FGF14: variants seen among roughly 807,000 people sequenced by gnomAD.
The protein encoded by FGF14 is fibroblast growth factor 14, also known as fibroblast growth factor homologous factor 4.
A neutral mutation model predicts 25.5 loss-of-function variants in FGF14; 5 were observed. That is an observed-to-expected ratio of 0.20 (90% CI 0.10 to 0.41). The LOEUF (loss-of-function observed/expected upper bound fraction) is 0.41, where lower values mean the gene tolerates loss of function less well. Ranked by LOEUF, FGF14 falls within the 10% of genes least tolerant of loss-of-function variation. The pLI is 1.00. For missense variants in FGF14, 222 were observed against 320.1 expected (o/e 0.69, Z 2.34); for synonymous variants, 138 against 118.3 (o/e 1.17, Z -1.08).
chr13:102,170,525 A>T (rs1420625194), intron 1 of FGF14, among the ~76,000 whole-genome samples: 1 of 152,126 alleles, frequency 6.6e-6, no homozygotes, highest in African/African-American at 2.4e-5. Flanking sequence ...TGCATCTCCC[A>T]TCACAGAAGC....
intron 1 of FGF14, among the ~76,000 whole-genome samples, chr13:102,124,731 T>G (rs979840595): frequency 8.5e-5 from 13 of 152,092 alleles, no homozygotes; most frequent in African/African-American, 3.1e-4. Flanking sequence ...GTTTTCCTTT[T>G]GTCTTTCTCT....
At chr13:101,808,146 C>T (rs888778139) in intron 3 of FGF14, among the ~76,000 whole-genome samples, 2 of 151,878 alleles carry the variant, frequency 1.3e-5, no homozygotes, top group Admixed American at 1.3e-4. Context: ...ATGAATATTT[C>T]CAAAAAAGTA....
chr13:102,259,868 GTCTTTGC>G (rs1232711580), intron 1 of FGF14, among the ~76,000 whole-genome samples: 6 of 152,124 alleles, frequency 3.9e-5, no homozygotes, highest in African/African-American at 1.2e-4. Flanking sequence ...ATTGCTTTAT[GTCTTTGC>G]TCTGGAAAAA....
intron 1 of FGF14, among the ~76,000 whole-genome samples, chr13:102,382,637 T>C (rs1183503388): frequency 6.6e-6 from 1 of 152,076 alleles, no homozygotes; most frequent in African/African-American, 2.4e-5. Flanking sequence ...CCCAAAAGAA[T>C]TGAAACATAT....
At chr13:101,770,410 TAA>T (rs2038699084) in intron 3 of FGF14, among the ~76,000 whole-genome samples, 1 of 152,108 alleles carries the variant, frequency 6.6e-6, no homozygotes, top group Non-Finnish European at 1.5e-5. Flanking sequence ...TGGGATTCAT[TAA>T]AACAAACATT....
chr13:101,920,043 C>A (rs1010276355), upstream of FGF14, among the ~76,000 whole-genome samples: 5 of 152,100 alleles, frequency 3.3e-5, no homozygotes, highest in African/African-American at 4.8e-5. Flanking sequence ...TTAATCCCTG[C>A]GTTTTCATTT....
At chr13:101,759,921 G>A (rs1386556729) in intron 3 of FGF14, among the ~76,000 whole-genome samples, 1 of 152,088 alleles carries the variant, frequency 6.6e-6, no homozygotes, top group Non-Finnish European at 1.5e-5. Context: ...CTTCTTATAA[G>A]CTAAACTTAG....
At chr13:102,308,715 C>CTTCTGAG (rs1439335993) in intron 1 of FGF14, among the ~76,000 whole-genome samples, 18 of 152,044 alleles carry the variant, frequency 1.2e-4, no homozygotes, top group Non-Finnish European at 2.4e-4. Context: ...TATCAAATAT[C>CTTCTGAG]TTCTGAGTTC....
At chr13:102,361,674 T>C (rs1195064375) in intron 1 of FGF14, among the ~76,000 whole-genome samples, 3 of 152,340 alleles carry the variant, frequency 2.0e-5, no homozygotes, top group East Asian at 3.9e-4. Flanking sequence ...TATGAATTCA[T>C]GTGGGATTCG....
chr13:102,178,352 C>T (rs928247025), intron 1 of FGF14, among the ~76,000 whole-genome samples: 6 of 152,148 alleles, frequency 3.9e-5, no homozygotes, highest in Non-Finnish European at 7.4e-5. Flanking sequence ...CTCAAATCAC[C>T]TAGATCTCTA....
At chr13:102,336,446 G>A (rs927713791) in intron 1 of FGF14, among the ~76,000 whole-genome samples, 1 of 152,090 alleles carries the variant, frequency 6.6e-6, no homozygotes, top group African/African-American at 2.4e-5. Context: ...ATTAAAAATG[G>A]AAGCTAAAAG....
intron 1 of FGF14, among the ~76,000 whole-genome samples, chr13:102,318,670 C>T (rs188537716): frequency 6.7e-4 from 102 of 152,254 alleles, no homozygotes; most frequent in African/African-American, 2.3e-3. Flanking sequence ...TCATATTCAA[C>T]GAAGGGTCTG....
intron 1 of FGF14, among the ~76,000 whole-genome samples, chr13:102,066,192 C>T (rs962246908): frequency 8.6e-5 from 13 of 151,942 alleles, no homozygotes; most frequent in African/African-American, 3.1e-4. Context: ...TAGTAGAATG[C>T]CCAGAATTTA....
intron 1 of FGF14, among the ~76,000 whole-genome samples, chr13:102,083,740 A>G (rs2043752637): frequency 6.6e-6 from 1 of 152,230 alleles, no homozygotes; most frequent in African/African-American, 2.4e-5. Flanking sequence ...CTGTAAGCCA[A>G]CTGCCGCGGG....
chr13:102,161,644 A>C (rs1163801606), intron 1 of FGF14, among the ~76,000 whole-genome samples: 23 of 17,026 alleles, frequency 1.4e-3, no homozygotes, highest in East Asian at 0.013. Flanking sequence ...GAAGAAGAAG[A>C]AGAAGAAGAA....
chr13:101,883,073 C>T (rs191182227), intron 1 of FGF14, among the ~76,000 whole-genome samples: 7 of 152,134 alleles, frequency 4.6e-5, no homozygotes, highest in African/African-American at 1.4e-4. Flanking sequence ...ACATTTAAAC[C>T]AGATGTTATG....
chr13:102,113,393 C>T (rs2045323653), intron 1 of FGF14, among the ~76,000 whole-genome samples: 1 of 152,204 alleles, frequency 6.6e-6, no homozygotes, highest in Non-Finnish European at 1.5e-5. Flanking sequence ...ATCGATCAAA[C>T]CATGCAGCAA....
At chr13:102,157,305 CAG>C (rs1337436298) in intron 1 of FGF14, among the ~76,000 whole-genome samples, 1 of 152,128 alleles carries the variant, frequency 6.6e-6, no homozygotes, top group Non-Finnish European at 1.5e-5. Context: ...GGTACCAAAA[CAG>C]AGATATAGAC....
chr13:101,903,382 A>G (rs1327543910), intron 1 of FGF14, among the ~76,000 whole-genome samples: 1 of 152,154 alleles, frequency 6.6e-6, no homozygotes, highest in African/African-American at 2.4e-5. Flanking sequence ...GCTGTTATGT[A>G]CACAAGCTGT....
Sources: allele counts gnomAD v4.1 joint callset (sites outside exome capture counted in the v4.1 genomes callset), GRCh38; gene constraint gnomAD v4.1.1; transcripts MANE v1.5; gene names NCBI Gene and HGNC (gene_info 2026-07-23, HGNC 2026-07-21).